ADAMTS17: variants seen among roughly 807,000 people sequenced by gnomAD.
ADAMTS17 encodes the protein A disintegrin and metalloproteinase with thrombospondin motifs 17.
A neutral mutation model predicts 141.5 loss-of-function variants in ADAMTS17; 113 were observed. The ratio of observed to expected loss-of-function variants is 0.80; its 90% CI spans 0.69 to 0.93. ADAMTS17 has a LOEUF of 0.93. Ranked by LOEUF, ADAMTS17 falls within the 40% of genes least tolerant of loss-of-function variation. ADAMTS17 has a pLI of 0.00. For synonymous variants in ADAMTS17, 768 were observed against 630.6 expected, an observed-to-expected ratio of 1.22 and a Z score of -3.27; for missense variants, 1,659 against 1,517.9, an observed-to-expected ratio of 1.09 and a Z score of -1.54.
rs61367859 is a variant in ADAMTS17, at chr15:100,054,526, CCAG to C, written c.2138-475_2138-473del. Among the ~76,000 whole-genome samples, 786 of 152,296 alleles carry C rather than the reference CCAG, an allele frequency of 5.2e-3. 10 individuals are homozygous for C. The highest frequency in any genetic ancestry group is 0.018 in the African/African-American group (733 of 41,562). On this transcript the variant is annotated intron_variant, in intron 15 of 21. Transcript: ENST00000268070. ...CCTTTCCTATTACCTACCTGGGGTT[CCAG>C]AAGGAGAAGAGCCCATCTCCAGCAC... is the stretch of plus-strand genomic sequence containing the variant.
At chr15:100,139,505 A>G (rs751909063) in intron 10 of ADAMTS17, among the ~76,000 whole-genome samples, 1 of 152,246 alleles carries the variant, frequency 6.6e-6, no homozygotes, top group Non-Finnish European at 1.5e-5. Flanking sequence ...AGTGCCCTGC[A>G]ACAAAGAATT....
At chr15:100,188,886 C>A (rs760310029) in intron 8 of ADAMTS17, among the ~76,000 whole-genome samples, 1 of 152,214 alleles carries the variant, frequency 6.6e-6, no homozygotes, top group Non-Finnish European at 1.5e-5. Flanking sequence ...TGAAAGCTAT[C>A]CCGAAAACAC....
At chr15:100,253,473 T>G (rs1387026775) in intron 7 of ADAMTS17, among the ~76,000 whole-genome samples, 1 of 18,782 alleles carries the variant, frequency 5.3e-5, no homozygotes, top group African/African-American at 2.6e-4. Flanking sequence ...GAGGGGAAGG[T>G]AGAGGGGGAG....
intron 7 of ADAMTS17, among the ~76,000 whole-genome samples, chr15:100,222,284 T>A (rs2042158198): frequency 6.6e-6 from 1 of 152,134 alleles, no homozygotes; most frequent in African/African-American, 2.4e-5. Context: ...CTGCCTTAAG[T>A]CCTGGCATCC....
intron 14 of ADAMTS17, among the ~76,000 whole-genome samples, chr15:100,102,071 T>C (rs1363675575): frequency 2.0e-5 from 3 of 152,248 alleles, no homozygotes; most frequent in Non-Finnish European, 2.9e-5. Context: ...ATTTCTGAGT[T>C]CTTCTGTGTC....
At position 100,281,228 on chromosome 15, in the gene ADAMTS17, C is replaced by T; in HGVS notation, c.789+1G>A. ...CATCAGGACCCCGGCTCCGGACTCA[C>T]CATGTTCATGACGGTCAGGATGAAC... On this transcript the variant is annotated splice_donor_variant, in intron 4 of 21. Transcript: ENST00000268070. LOFTEE classifies it high-confidence loss of function. 1.2e-6 allele frequency: 2 copies of T among 1,604,460 alleles called. No individual in the cohort carries two copies. Among genetic ancestry groups the T allele is most frequent in the African/African-American group, 1.3e-5 (1 of 75,004 alleles).
chr15:100,266,857 C>A (rs1445344312), intron 4 of ADAMTS17, among the ~76,000 whole-genome samples: 5 of 152,106 alleles, frequency 3.3e-5, no homozygotes. Flanking sequence ...TCTGTCGTTC[C>A]TACTGCATGA....
chr15:100,155,127 T>C, intron 9 of ADAMTS17, 53 bp downstream of exon 9: 1 of 1,613,574 alleles, frequency 6.2e-7, no homozygotes, highest in South Asian at 1.1e-5. Flanking sequence ...TACTTTTGTC[T>C]TTTGGAAGTA....
intron 8 of ADAMTS17, among the ~76,000 whole-genome samples, chr15:100,177,978 TTCC>T (rs2040396475): frequency 6.6e-6 from 1 of 150,994 alleles, no homozygotes; most frequent in South Asian, 2.1e-4. Context: ...AATATAGCGA[TTCC>T]TGTTTTTTTC....
chr15:100,292,498 C>T (rs530331082), intron 3 of ADAMTS17, among the ~76,000 whole-genome samples: 230 of 151,026 alleles, frequency 1.5e-3, no homozygotes, highest in African/African-American at 5.2e-3. Context: ...TTATGAGAGA[C>T]ACTCACCCCG....
chr15:100,162,912 ATG>A (rs958956980), intron 8 of ADAMTS17, among the ~76,000 whole-genome samples: 2 of 146,588 alleles, frequency 1.4e-5, no homozygotes, highest in African/African-American at 5.0e-5. Context: ...ATATATGTAT[ATG>A]TGTATATATA....
chr15:99,981,064 G>C (rs976551146), intron 20 of ADAMTS17, among the ~76,000 whole-genome samples: 5 of 152,226 alleles, frequency 3.3e-5, no homozygotes, highest in African/African-American at 1.2e-4. Context: ...CAAAGTTGCA[G>C]AGGTAGGAGT....
At chr15:100,173,800 T>C (rs2040242458) in intron 8 of ADAMTS17, among the ~76,000 whole-genome samples, 1 of 152,016 alleles carries the variant, frequency 6.6e-6, no homozygotes, top group South Asian at 2.1e-4. Context: ...CAAACACCAA[T>C]ATCAGGGGCC....
rs1268308952 is a variant in ADAMTS17 at position 99,973,498 on chromosome 15, G to C, written c.*904C>G. On this transcript the variant is annotated 3_prime_UTR_variant, in exon 22 of 22. Transcript: ENST00000268070. Reference sequence around the variant, plus strand: ...TCTCTAAGGTACAAAGCTTTAGGAAGTGCAGGCCAGAGTGGATGTTCCCGG... The same window carrying C: ...TCTCTAAGGTACAAAGCTTTAGGAACTGCAGGCCAGAGTGGATGTTCCCGG... The C allele has an allele frequency of 6.6e-6, 1 of 152,272 alleles. No homozygotes were observed. The highest frequency in any genetic ancestry group is 2.1e-4 in the South Asian group (1 of 4,826). 9.4% of individuals were successfully genotyped at this position (152,272 alleles called of 1,614,324 possible).
Position 99,975,349 on chromosome 15 carries a change from A to G in ADAMTS17, c.3127+696T>C, listed in dbSNP as rs529569151. Among the ~76,000 whole-genome samples the G allele has an allele frequency of 7.9e-5, 12 of 152,280 alleles. No individual in the cohort carries two copies. The South Asian group carries it at 1.4e-3, about 18-fold the overall frequency. On this transcript the variant is annotated intron_variant, in intron 21 of 21. Transcript: ENST00000268070. ...CTCAGTCACCTGAGGCGTGGGGACT[A>G]CAGGCACACGCCACCACGCCCGGCT...
At chr15:100,023,677 G>A (rs2061447213) in intron 18 of ADAMTS17, among the ~76,000 whole-genome samples, 2 of 152,166 alleles carry the variant, frequency 1.3e-5, no homozygotes, top group Admixed American at 1.3e-4. Flanking sequence ...TCTTCTGAAA[G>A]TCAGACTCTA....
At chr15:100,319,391 A>T (rs1442585345) in intron 3 of ADAMTS17, among the ~76,000 whole-genome samples, 1 of 152,216 alleles carries the variant, frequency 6.6e-6, no homozygotes, top group Non-Finnish European at 1.5e-5. Context: ...CACATGTGAA[A>T]GGGAGTGTGA....
intron 14 of ADAMTS17, among the ~76,000 whole-genome samples, chr15:100,101,686 A>G (rs2418488): frequency 0.68 from 103,071 of 152,128 alleles, 35,747 homozygotes; most frequent in African/African-American, 0.83. Flanking sequence ...CAGTAAGAGC[A>G]TACAAATGAT....
intron 14 of ADAMTS17, among the ~76,000 whole-genome samples, chr15:100,102,362 A>ACCGAAGGGGATCTACATTTGAGGGCCG (rs1567175899): frequency 3.7e-5 from 3 of 81,366 alleles, no homozygotes; most frequent in East Asian, 7.0e-4. Context: ...TTTGAGGGCC[A>ACCGAAGGGGATCTACATTTGAGGGCCG]ACCGAAGGGG....
Sources: allele counts gnomAD v4.1 joint callset (sites outside exome capture counted in the v4.1 genomes callset), GRCh38; gene constraint gnomAD v4.1.1; transcripts MANE v1.5; gene names NCBI Gene and HGNC (gene_info 2026-07-23, HGNC 2026-07-21).